The following KDM4C variants were observed in gnomAD, a reference collection of about 807,000 sequenced individuals.
KDM4C encodes lysine-specific demethylase 4C.
KDM4C carries 81 observed loss-of-function variants against 129.3 expected under a neutral mutation model. The observed-to-expected ratio is 0.63, with a 90% CI of 0.52 to 0.75. KDM4C has a LOEUF of 0.75. KDM4C is among the 30% of genes least tolerant of loss of function. The probability of loss-of-function intolerance (pLI) is 0.00; values close to 1 mark genes in which losing one functional copy is unlikely to be tolerated. For missense variants in KDM4C, 1,457 were observed against 1,304.0 expected, an observed-to-expected ratio of 1.12 and a Z score of -1.81; for synonymous variants, 573 against 456.1, an observed-to-expected ratio of 1.26 and a Z score of -3.26.
intron 8 of KDM4C, among the ~76,000 whole-genome samples, chr9:6,926,345 A>AAAAAAAAAC (rs1822544189): frequency 1.3e-5 from 2 of 148,920 alleles, no homozygotes; most frequent in Admixed American, 1.3e-4. Flanking sequence ...AATTTGTAAA[A>AAAAAAAAAC]AAAAAAAAAA....
intron 1 of KDM4C, chr9:6,724,065 G>A (rs1396187079): frequency 1.3e-5 from 2 of 152,200 alleles, no homozygotes; most frequent in African/African-American, 4.8e-5. Context: ...ATGCCAGAAG[G>A]AAGGGAGGAG....
intron 3 of KDM4C, among the ~76,000 whole-genome samples, chr9:6,809,208 A>G (rs546620167): frequency 6.6e-6 from 1 of 152,310 alleles, no homozygotes; most frequent in South Asian, 2.1e-4. Context: ...TTGGGTTGGT[A>G]TTAATAGAGT....
intron 17 of KDM4C, among the ~76,000 whole-genome samples, chr9:7,089,113 A>C (rs763565534): frequency 6.6e-6 from 1 of 152,234 alleles, no homozygotes; most frequent in Non-Finnish European, 1.5e-5. Context: ...TAAAATTTGG[A>C]ATTATAAAAA....
chr9:6,731,108 A>G (rs1184861295), intron 1 of KDM4C, among the ~76,000 whole-genome samples: 1 of 152,132 alleles, frequency 6.6e-6, no homozygotes, highest in Non-Finnish European at 1.5e-5. Context: ...TCACCGTCAT[A>G]AATGTACTTA....
intron 8 of KDM4C, among the ~76,000 whole-genome samples, chr9:6,922,372 C>G (rs1821691211): frequency 1.3e-5 from 2 of 152,058 alleles, no homozygotes; most frequent in South Asian, 4.1e-4. Flanking sequence ...TTTCCTATCA[C>G]AGGTTTCTGA....
intron 17 of KDM4C, among the ~76,000 whole-genome samples, chr9:7,103,069 TG>T (rs1837283990): frequency 6.6e-6 from 1 of 152,212 alleles, no homozygotes; most frequent in African/African-American, 2.4e-5. Context: ...TTATGCCCTT[TG>T]GGGTGATTTT....
chr9:6,941,019 A>G (rs74620271), intron 8 of KDM4C, among the ~76,000 whole-genome samples: 275 of 150,252 alleles, frequency 1.8e-3, no homozygotes, highest in Non-Finnish European at 2.9e-3. Context: ...TGCTTGAGAG[A>G]GGAAGGCATC....
At chr9:7,061,029 T>C (rs1321888952) in intron 17 of KDM4C, among the ~76,000 whole-genome samples, 2 of 152,222 alleles carry the variant, frequency 1.3e-5, no homozygotes, top group Admixed American at 6.5e-5. Flanking sequence ...CATTTGCCTC[T>C]AAAGAGCTAA....
At chr9:6,767,983 G>A (rs529073501) in intron 1 of KDM4C, among the ~76,000 whole-genome samples, 11 of 151,886 alleles carry the variant, frequency 7.2e-5, no homozygotes, top group African/African-American at 2.4e-4. Context: ...TTTCAAATAG[G>A]CAATACAAGG....
intron 3 of KDM4C, among the ~76,000 whole-genome samples, chr9:6,810,865 C>T (rs990990216): frequency 1.3e-5 from 2 of 151,932 alleles, no homozygotes; most frequent in Admixed American, 1.3e-4. Context: ...GAGCAAGACC[C>T]TGTCTCCAAA....
At chr9:6,878,215 T>C (rs35732562) in intron 5 of KDM4C, among the ~76,000 whole-genome samples, 22,880 of 152,262 alleles carry the variant, frequency 0.15, 2,044 homozygotes, top group South Asian at 0.34. Context: ...GGGGCTGTGA[T>C]TGGAAGGAAG....
chr9:7,138,145 A>G (rs183073815), intron 19 of KDM4C, among the ~76,000 whole-genome samples: 30 of 152,308 alleles, frequency 2.0e-4, no homozygotes, highest in African/African-American at 6.7e-4. Flanking sequence ...GAAAAGGCAG[A>G]GAGAATGGAG....
intron 1 of KDM4C, among the ~76,000 whole-genome samples, chr9:6,779,279 G>A (rs1249927153): frequency 1.3e-5 from 2 of 152,076 alleles, no homozygotes. Context: ...GCCTCCCAGA[G>A]TGCTGGGATT....
intron 18 of KDM4C, among the ~76,000 whole-genome samples, chr9:7,124,825 G>T (rs944475585): frequency 6.6e-6 from 1 of 152,126 alleles, no homozygotes; most frequent in East Asian, 1.9e-4. Flanking sequence ...ATATCCTTTT[G>T]TTCTGTCAGG....
At chr9:7,049,005 T>C in intron 16 of KDM4C, 87 bp from the exon 17 acceptor site, 1 of 837,398 alleles carries the variant, frequency 1.2e-6, no homozygotes, top group Non-Finnish European at 2.0e-6. Flanking sequence ...ATCTGTGTAT[T>C]TCCCATCTGT....
intron 4 of KDM4C, among the ~76,000 whole-genome samples, chr9:6,842,309 T>C (rs943024497): frequency 2.1e-5 from 3 of 144,342 alleles, no homozygotes; most frequent in African/African-American, 2.6e-5. Flanking sequence ...TTTATCCACA[T>C]TTCTTTTTTT....
intron 1 of KDM4C, among the ~76,000 whole-genome samples, chr9:6,722,478 C>A (rs772646944): frequency 6.6e-6 from 1 of 151,364 alleles, no homozygotes; most frequent in Non-Finnish European, 1.5e-5. Flanking sequence ...AGGAGTTTGA[C>A]GCAAGCCTGA....
At chr9:7,163,316 C>T (rs12339837) in intron 19 of KDM4C, among the ~76,000 whole-genome samples, 2,588 of 152,288 alleles carry the variant, frequency 0.017, 65 homozygotes, top group African/African-American at 0.059. Flanking sequence ...TGTCACCGTG[C>T]TTCTCTTGAA....
At chr9:6,909,619 A>AT (rs1818917470) in intron 8 of KDM4C, among the ~76,000 whole-genome samples, 1 of 152,216 alleles carries the variant, frequency 6.6e-6, no homozygotes, top group East Asian at 1.9e-4. Flanking sequence ...TATGTAAAAA[A>AT]AAAATAAAAA....
Sources: gnomAD v4.1 joint callset for allele counts (sites outside exome capture counted in the v4.1 genomes callset) on GRCh38, gnomAD v4.1.1 for gene constraint, MANE v1.5 for transcripts, NCBI Gene and HGNC (gene_info 2026-07-23, HGNC 2026-07-21) for gene names.